RGS7BP: variants seen among roughly 807,000 people sequenced by gnomAD.
RGS7BP encodes regulator of G protein signaling 7 binding protein, also known as regulator of G protein signaling 7-binding protein.
Under a neutral mutation model 31.3 loss-of-function variants are expected in RGS7BP, and 9 were observed. The ratio of observed to expected loss-of-function variants is 0.29; its 90% CI spans 0.17 to 0.50. RGS7BP has a LOEUF of 0.50. RGS7BP is among the 20% of genes least tolerant of loss of function. RGS7BP has a pLI of 0.98. For synonymous variants in RGS7BP, 115 were observed against 120.1 expected, an observed-to-expected ratio of 0.96 and a Z score of 0.28; for missense variants, 274 against 322.0, an observed-to-expected ratio of 0.85 and a Z score of 1.14.
At chr5:64,530,280 T>C (rs1310949525) in intron 2 of RGS7BP, among the ~76,000 whole-genome samples, 1 of 152,246 alleles carries the variant, frequency 6.6e-6, no homozygotes, top group Non-Finnish European at 1.5e-5. Context: ...CAGAAGTATT[T>C]CATCTCCCAG....
intron 2 of RGS7BP, among the ~76,000 whole-genome samples, chr5:64,547,415 G>A (rs72754871): frequency 3.3e-5 from 5 of 152,198 alleles, no homozygotes; most frequent in Non-Finnish European, 7.4e-5. Context: ...TTAGCCTCTG[G>A]TGAGCAGACA....
chr5:64,568,453 T>C (rs1742221773), intron 2 of RGS7BP, among the ~76,000 whole-genome samples: 1 of 152,148 alleles, frequency 6.6e-6, no homozygotes, highest in Non-Finnish European at 1.5e-5. Flanking sequence ...AATAAAGACA[T>C]TTTATTTTAA....
At chr5:64,519,809 G>A (rs575244128) in intron 2 of RGS7BP, among the ~76,000 whole-genome samples, 19 of 152,248 alleles carry the variant, frequency 1.2e-4, no homozygotes, top group South Asian at 4.1e-4. Context: ...TTTAAAGGCT[G>A]GTATGTTGAC....
chr5:64,529,940 T>C (rs969682772), intron 2 of RGS7BP, among the ~76,000 whole-genome samples: 2 of 152,254 alleles, frequency 1.3e-5, no homozygotes, highest in African/African-American at 4.8e-5. Context: ...ATACCAATTC[T>C]ATACTTCTAT....
At chr5:64,602,965 C>T (rs1216265779) in intron 5 of RGS7BP, among the ~76,000 whole-genome samples, 1 of 152,066 alleles carries the variant, frequency 6.6e-6, no homozygotes, top group African/African-American at 2.4e-5. Flanking sequence ...TGTGTGAAGG[C>T]ATATGGGGAG....
chr5:64,540,927 A>G (rs188675935), intron 2 of RGS7BP, among the ~76,000 whole-genome samples: 5 of 152,320 alleles, frequency 3.3e-5, no homozygotes, highest in Admixed American at 2.6e-4. Flanking sequence ...ACCCAGTTCT[A>G]GTGATATCAC....
At chr5:64,561,905 C>T (rs1742065083) in intron 2 of RGS7BP, among the ~76,000 whole-genome samples, 2 of 150,396 alleles carry the variant, frequency 1.3e-5, no homozygotes, top group Non-Finnish European at 2.9e-5. Flanking sequence ...GGTGCAGAGT[C>T]CTTTCATTCT....
At chr5:64,606,141 G>A (rs569804438) in intron 5 of RGS7BP, among the ~76,000 whole-genome samples, 1 of 151,550 alleles carries the variant, frequency 6.6e-6, no homozygotes, top group South Asian at 2.1e-4. Context: ...CCACTGTAGT[G>A]AGTGCATCAC....
chr5:64,560,493 C>T (rs181299605), intron 2 of RGS7BP, among the ~76,000 whole-genome samples: 157 of 151,402 alleles, frequency 1.0e-3, no homozygotes, highest in African/African-American at 3.8e-3. Flanking sequence ...TACTCCTTTC[C>T]TAATTTCTAT....
intron 2 of RGS7BP, among the ~76,000 whole-genome samples, chr5:64,568,012 T>C (rs528372916): frequency 7.9e-5 from 12 of 152,056 alleles, no homozygotes; most frequent in Non-Finnish European, 1.6e-4. Flanking sequence ...GATTAAAATG[T>C]GGAAACCTGT....
chr5:64,517,113 G>T (rs1748998063), intron 2 of RGS7BP, among the ~76,000 whole-genome samples: 3 of 151,870 alleles, frequency 2.0e-5, no homozygotes, highest in South Asian at 4.2e-4. Context: ...TTTGTTTATG[G>T]CTTCTATCCT....
intron 3 of RGS7BP, among the ~76,000 whole-genome samples, chr5:64,581,871 A>G (rs1241448477): frequency 6.6e-6 from 1 of 152,208 alleles, no homozygotes; most frequent in Non-Finnish European, 1.5e-5. Context: ...GAAAAACATT[A>G]CTAAAGTGTT....
chr5:64,601,485 T>A, intron 5 of RGS7BP: 1 of 948,640 alleles, frequency 1.1e-6, no homozygotes, highest in Non-Finnish European at 1.3e-6. Context: ...GCAGGAATTT[T>A]AATGGTTAGT....
intron 2 of RGS7BP, among the ~76,000 whole-genome samples, chr5:64,513,603 T>C (rs1748895369): frequency 6.6e-6 from 1 of 152,184 alleles, no homozygotes. Context: ...CGATGTATGG[T>C]GATAAGAGTA....
At chr5:64,588,548 C>T (rs1290296207) in intron 3 of RGS7BP, among the ~76,000 whole-genome samples, 1 of 152,124 alleles carries the variant, frequency 6.6e-6, no homozygotes, top group African/African-American at 2.4e-5. Flanking sequence ...TCAAAAAAAC[C>T]AGCACAAATG....
intron 2 of RGS7BP, among the ~76,000 whole-genome samples, chr5:64,527,163 C>T (rs941003203): frequency 2.0e-5 from 3 of 152,208 alleles, no homozygotes; most frequent in Admixed American, 2.0e-4. Context: ...CCCTGTTTAA[C>T]TTGCAGAAGC....
rs922856420 is a variant in RGS7BP, at chr5:64,506,450, C to T, written c.-175C>T. 6.2e-6 allele frequency: 3 copies of T among 485,492 alleles called. No individual in the cohort carries two copies. Among genetic ancestry groups the T allele is most frequent in the African/African-American group, 4.0e-5 (2 of 49,464 alleles). 30.1% of individuals were successfully genotyped at this position (485,492 alleles called of 1,614,324 possible). On this transcript the variant is annotated 5_prime_UTR_variant, in exon 1 of 6. Transcript: ENST00000334025. The surrounding 1 kb of genome is among the most constrained non-coding windows in gnomAD (Gnocchi z 4.6). ...ATGCTGCACGGCACAGCTAGCGCTT[C>T]CCCGGCTCTCCTTCAAGCTGAAGGT...
chr5:64,561,844 T>C (rs1247383362), intron 2 of RGS7BP, among the ~76,000 whole-genome samples: 2 of 148,470 alleles, frequency 1.3e-5, no homozygotes, highest in African/African-American at 2.6e-5. Context: ...CCTGCCCATA[T>C]GTCTGTCTGC....
chr5:64,569,796 C>G (rs1275940371), intron 2 of RGS7BP, among the ~76,000 whole-genome samples: 2 of 152,174 alleles, frequency 1.3e-5, no homozygotes, highest in Non-Finnish European at 2.9e-5. Flanking sequence ...TCCTGGAGCT[C>G]ACTCTCCTTG....
Sources: gnomAD v4.1 joint callset for allele counts (sites outside exome capture counted in the v4.1 genomes callset) on GRCh38, gnomAD v4.1.1 for gene constraint, Gnocchi (gnomAD v3.1) non-coding constraint, MANE v1.5 for transcripts, NCBI Gene and HGNC (gene_info 2026-07-23, HGNC 2026-07-21) for gene names.